Variants in PPP2R2B observed in about 807,000 individuals in gnomAD.
PPP2R2B encodes protein phosphatase 2 regulatory subunit Bbeta, also known as serine/threonine-protein phosphatase 2A 55 kDa regulatory subunit B beta isoform.
PPP2R2B carries 5 observed loss-of-function variants against 46.0 expected under a neutral mutation model. The ratio of observed to expected loss-of-function variants is 0.11; its 90% confidence interval spans 0.06 to 0.23. PPP2R2B has a LOEUF of 0.23. PPP2R2B is among the 10% of genes least tolerant of loss of function. The pLI, the probability that PPP2R2B is intolerant of heterozygous loss-of-function variation, is 1.00. For missense variants in PPP2R2B, 367 were observed against 575.0 expected (o/e 0.64, Z 3.70); for synonymous variants, 215 against 206.7 (o/e 1.04, Z -0.34).
intron 2 of PPP2R2B, among the ~76,000 whole-genome samples, chr5:146,833,059 C>T (rs1759059949): frequency 6.6e-6 from 1 of 151,924 alleles, no homozygotes; most frequent in Admixed American, 6.6e-5. Flanking sequence ...CAGAGAGCCA[C>T]CAACTTAAAA....
intron 1 of PPP2R2B, among the ~76,000 whole-genome samples, chr5:147,049,048 A>T (rs1756665059): frequency 6.6e-6 from 1 of 151,762 alleles, no homozygotes; most frequent in Non-Finnish European, 1.5e-5. Flanking sequence ...GCTGGGGGTG[A>T]GAGGAGAGGC....
chr5:146,749,436 C>T lies in PPP2R2B; in HGVS notation c.71-48294G>A, dbSNP rs183577828. On this transcript the variant is annotated intron_variant, in intron 2 of 9. Transcript: ENST00000394411. ...GGACAGTGCATTTAGCATAAGAACT[C>T]TTTGCCTAGCCTAGATCACAGTGCA... Among the ~76,000 whole-genome samples, 530 of 152,108 alleles carry T rather than the reference C, an allele frequency of 3.5e-3. 3 individuals are homozygous for T. Among genetic ancestry groups the T allele is most frequent in the Non-Finnish European group, 2.7e-3 (184 of 68,004 alleles).
At chr5:146,832,391 T>A (rs1466945480) in intron 2 of PPP2R2B, among the ~76,000 whole-genome samples, 14 of 135,888 alleles carry the variant, frequency 1.0e-4, no homozygotes, top group East Asian at 8.4e-4. Flanking sequence ...TTTTTTTTTT[T>A]TTTTTTTTTT....
chr5:146,697,839 T>A, intron 4 of PPP2R2B, 140 bp downstream of exon 4: 1 of 721,442 alleles, frequency 1.4e-6, no homozygotes, highest in Non-Finnish European at 2.1e-6. Flanking sequence ...TGCCAGGCAC[T>A]CTGCTAAGCA....
chr5:146,637,879 T>A (rs1299251374), intron 7 of PPP2R2B, among the ~76,000 whole-genome samples: 2 of 152,124 alleles, frequency 1.3e-5, no homozygotes, highest in African/African-American at 4.8e-5. Context: ...GCCCTCTCAA[T>A]TTCCACTCAC....
chr5:146,978,811 C>T (rs1449341362), intron 1 of PPP2R2B, among the ~76,000 whole-genome samples: 1 of 152,132 alleles, frequency 6.6e-6, no homozygotes, highest in African/African-American at 2.4e-5. Context: ...CATGATGCCT[C>T]CAGCTTTGTT....
chr5:146,756,512 G>A (rs1161296402), intron 2 of PPP2R2B, among the ~76,000 whole-genome samples: 2 of 152,220 alleles, frequency 1.3e-5, no homozygotes, highest in East Asian at 3.8e-4. Flanking sequence ...AAAAGTATAT[G>A]TGAATCTTTT....
rs1341592691 is a variant in PPP2R2B at position 146,961,797 on chromosome 5, C to T, written c.79+93868G>A. On this transcript the variant is annotated intron_variant, in intron 1 of 8. Coordinates refer to the PPP2R2B transcript ENST00000336640. ...AATCCATAGTCAGGAAGACACTGGT[C>T]CCCCATGGAGGAGATTTTTTTTCAA... Among the ~76,000 whole-genome samples, 3 of 151,966 alleles carry T rather than the reference C, an allele frequency of 2.0e-5. No individual in the cohort carries two copies. The East Asian group carries it at 5.8e-4, about 29-fold the overall frequency.
intron 1 of PPP2R2B, among the ~76,000 whole-genome samples, chr5:147,034,045 C>T (rs888704874): frequency 6.6e-6 from 1 of 152,190 alleles, no homozygotes. Context: ...TATGGCCTAG[C>T]GCCTACCTTC....
intron 2 of PPP2R2B, among the ~76,000 whole-genome samples, chr5:146,821,297 T>C (rs1758247109): frequency 6.6e-6 from 1 of 152,164 alleles, no homozygotes; most frequent in African/African-American, 2.4e-5. Context: ...TTTCTAGATG[T>C]CTCTTAAGGC....
Position 146,583,554 on chromosome 5 carries a change from A to T in PPP2R2B, c.*6393T>A, listed in dbSNP as rs1268709484. On this transcript the variant is annotated 3_prime_UTR_variant, in exon 10 of 10. Transcript: ENST00000394411. ...AGGCTCGGTATCCTGGGCTCTTGACATTCCACTGCCACCATTGCCTGTGAG... is the reference window on the plus strand; with the variant it reads ...AGGCTCGGTATCCTGGGCTCTTGACTTTCCACTGCCACCATTGCCTGTGAG... The T allele has an allele frequency of 6.6e-6, 1 of 152,096 alleles. No homozygotes were observed. The highest frequency in any genetic ancestry group is 1.5e-5 in the Non-Finnish European group (1 of 68,032). The allele number at this position is 152,096 out of a possible 1,614,324, so 9.4% of individuals were successfully genotyped here. A position where few individuals can be genotyped will look rare whatever the true frequency, so the allele number is the denominator to read the frequency against.
chr5:146,642,468 CAACTT>C (rs1433817421), intron 6 of PPP2R2B, among the ~76,000 whole-genome samples: 23 of 152,240 alleles, frequency 1.5e-4, no homozygotes, highest in African/African-American at 5.5e-4. Context: ...AAAAGATTGA[CAACTT>C]AAATAAATAT....
At chr5:147,004,105 C>A (rs1251759197) in intron 1 of PPP2R2B, among the ~76,000 whole-genome samples, 1 of 152,122 alleles carries the variant, frequency 6.6e-6, no homozygotes, top group Non-Finnish European at 1.5e-5. Context: ...GGCCCTCAGA[C>A]AAACAGACCT....
intron 2 of PPP2R2B, among the ~76,000 whole-genome samples, chr5:147,064,815 A>G (rs1306573286): frequency 6.6e-6 from 1 of 152,218 alleles, no homozygotes; most frequent in African/African-American, 2.4e-5. Context: ...TCCAGGATAA[A>G]TCATTTAAAC....
At chr5:146,708,278 G>A (rs1391674381) in intron 2 of PPP2R2B, among the ~76,000 whole-genome samples, 3 of 151,430 alleles carry the variant, frequency 2.0e-5, no homozygotes, top group African/African-American at 7.3e-5. Context: ...GATCACTTGA[G>A]CCTGGGAGGC....
At chr5:147,005,102 G>A (rs547850913) in intron 1 of PPP2R2B, among the ~76,000 whole-genome samples, 1 of 152,232 alleles carries the variant, frequency 6.6e-6, no homozygotes, top group African/African-American at 2.4e-5. Context: ...TATGTGTGAG[G>A]CCCTCAACCC....
Position 146,582,381 on chromosome 5 carries a change from C to A in PPP2R2B, c.*7566G>T, listed in dbSNP as rs1263530397. 6.6e-6 allele frequency: 1 copy of A among 152,208 alleles called. No homozygotes were observed. Among genetic ancestry groups the A allele is most frequent in the Non-Finnish European group, 1.5e-5 (1 of 68,056 alleles). The allele number at this position is 152,208 out of a possible 1,614,324, so 9.4% of individuals were successfully genotyped here. ...TATTGATTGTAAGCTGTCAACCTTT[C>A]TGCATGCTTTTCAGGGTCCCAGAAG... On this transcript the variant is annotated 3_prime_UTR_variant, in exon 10 of 10. Coordinates refer to ENST00000394411, the MANE Select transcript of PPP2R2B (RefSeq NM_181675.4).
At chr5:146,752,719 T>C (rs899997822) in intron 2 of PPP2R2B, among the ~76,000 whole-genome samples, 5 of 152,118 alleles carry the variant, frequency 3.3e-5, no homozygotes, top group African/African-American at 1.2e-4. Context: ...ATAGTATTGA[T>C]TATCTGTGGC....
At chr5:146,729,730 T>C (rs1051951971) in intron 2 of PPP2R2B, among the ~76,000 whole-genome samples, 3 of 152,178 alleles carry the variant, frequency 2.0e-5, no homozygotes, top group African/African-American at 7.2e-5. Flanking sequence ...GCAGCTTCCA[T>C]GTGGTATTGA....
Sources: gnomAD v4.1 joint callset for allele counts (sites outside exome capture counted in the v4.1 genomes callset) on GRCh38, gnomAD v4.1.1 for gene constraint, MANE v1.5 for transcripts, NCBI Gene and HGNC (gene_info 2026-07-23, HGNC 2026-07-21) for gene names.